ADAMTS20: variants seen among roughly 807,000 people sequenced by gnomAD.
ADAMTS20 encodes the protein ADAM metallopeptidase with thrombospondin type 1 motif 20.
Under a neutral mutation model 260.1 loss-of-function variants are expected in ADAMTS20, and 225 were observed. The observed-to-expected ratio is 0.87, with a 90% CI of 0.78 to 0.97. The LOEUF (loss-of-function observed/expected upper bound fraction) is 0.97. ADAMTS20 is among the 50% of genes least tolerant of loss of function. The pLI, the probability that ADAMTS20 is intolerant of heterozygous loss-of-function variation, is 0.00. For synonymous variants in ADAMTS20, 802 were observed against 769.5 expected (o/e 1.04, Z -0.70); for missense variants, 2,400 against 2,337.7 (o/e 1.03, Z -0.55).
At chr12:43,442,942 T>G (rs1941695015) in intron 16 of ADAMTS20, among the ~76,000 whole-genome samples, 1 of 152,356 alleles carries the variant, frequency 6.6e-6, no homozygotes, top group Non-Finnish European at 1.5e-5. Context: ...TTGTACTCAT[T>G]AAGCAGTTGT....
intron 28 of ADAMTS20, among the ~76,000 whole-genome samples, chr12:43,424,852 T>C (rs551541107): frequency 1.2e-4 from 18 of 151,980 alleles, no homozygotes; most frequent in African/African-American, 4.1e-4. Context: ...ATTATATATG[T>C]TACACTACTT....
intron 2 of ADAMTS20, among the ~76,000 whole-genome samples, chr12:43,532,781 A>T (rs1943243778): frequency 1.7e-5 from 1 of 59,836 alleles, no homozygotes; most frequent in Non-Finnish European, 3.3e-5. Context: ...TTCAATTCCC[A>T]CCTATGAGTG....
At position 43,377,478 on chromosome 12, in the gene ADAMTS20, G is replaced by A. The variant is rs576472142; in HGVS notation, c.4882C>T (p.Arg1628Ter). 3.0e-5 allele frequency: 49 copies of A among 1,613,690 alleles called. No individual in the cohort carries two copies. The South Asian group carries it at 3.3e-4, about 11-fold the overall frequency. Reference protein sequence around the residue: ...IPSTKKHKLHRLRPIVYQECP... With the variant: ...IPSTKKHKLH ...TCTTGATAAACTATAGGCCGAAGTC[G>A]ATGGAGCTTATGTTTCTTAGTAGAT... is the stretch of plus-strand genomic sequence containing the variant. Residue 1628 changes from arginine to a stop codon, truncating the protein, a stop_gained, in exon 32 of 39, where the codon CGA becomes TGA. Coordinates refer to ENST00000389420, the MANE Select transcript of ADAMTS20 (RefSeq NM_025003.5). LOFTEE classifies it high-confidence loss of function.
chr12:43,450,152 C>T (rs980614375), intron 14 of ADAMTS20, among the ~76,000 whole-genome samples: 1 of 151,966 alleles, frequency 6.6e-6, no homozygotes, highest in Non-Finnish European at 1.5e-5. Context: ...AAACTAATAC[C>T]CAGCATAACA....
intron 7 of ADAMTS20, among the ~76,000 whole-genome samples, chr12:43,488,758 T>C (rs1478678323): frequency 2.0e-5 from 3 of 152,180 alleles, no homozygotes; most frequent in African/African-American, 7.2e-5. Context: ...TTTACAATAC[T>C]TAAATATACT....
chr12:43,375,471 C>G lies in ADAMTS20; in HGVS notation c.5354G>C (p.Arg1785Thr), dbSNP rs766858848. 1 of 1,613,288 alleles carries G rather than the reference C, an allele frequency of 6.2e-7. No homozygotes were observed. Among genetic ancestry groups the G allele is most frequent in the Non-Finnish European group, 8.5e-7 (1 of 1,179,460 alleles). ...PYQCPFNGSR[R>T]EDCECDNGHL... ...TCCATTGTCACATTCACAGTCTTCC[C>G]TTCTACTCCCATTAAAAGGACATTG... The change falls in exon 36 of 39, where the codon AGG becomes ACG. Residue 1785 changes from arginine (R) to threonine (T), a missense_variant. By Grantham distance (71) the Arg-to-Thr change is moderately conservative. Transcript: ENST00000389420.
intron 28 of ADAMTS20, among the ~76,000 whole-genome samples, chr12:43,406,499 A>G (rs1000938406): frequency 6.6e-6 from 1 of 152,138 alleles, no homozygotes; most frequent in East Asian, 1.9e-4. Context: ...ATATTAAATC[A>G]GGAAATGACA....
chr12:43,543,147 A>T (rs1342437493), intron 2 of ADAMTS20, among the ~76,000 whole-genome samples: 1 of 151,930 alleles, frequency 6.6e-6, no homozygotes, highest in South Asian at 2.1e-4. Context: ...TGAAAATTTT[A>T]AAAAAGAAAA....
chr12:43,364,100 A>T (rs533850168), intron 37 of ADAMTS20, among the ~76,000 whole-genome samples: 1 of 152,320 alleles, frequency 6.6e-6, no homozygotes, highest in Non-Finnish European at 1.5e-5. Flanking sequence ...GTCACTGTGC[A>T]TGCCCAAGAC....
chr12:43,551,346 G>T lies in ADAMTS20; in HGVS notation c.92-76C>A. The T allele has an allele frequency of 1.3e-6, 2 of 1,529,172 alleles. No individual in the cohort carries two copies. The highest frequency in any genetic ancestry group is 1.7e-4 in the Middle Eastern group (1 of 5,716). The allele number at this position is 1,529,172 out of a possible 1,614,324, so 94.7% of individuals were successfully genotyped here. A position where few individuals can be genotyped will look rare whatever the true frequency, so the allele number is the denominator to read the frequency against. ...CAACTCTAAACTTCTTCCACCAAAC[G>T]TCCCCGCTAAAGGTCCCAGGTCCCA... On this transcript the variant is annotated intron_variant, in intron 1 of 38. Transcript: ENST00000389420. This position sits in a 1 kb window ranked among gnomAD's most constrained non-coding sequence, Gnocchi z 4.6.
rs1039705274 is a variant in ADAMTS20, at chr12:43,354,242, G to A, written c.5700C>T (p.His1900=). Residue 1900 remains histidine, a synonymous_variant, in exon 39 of 39, where the codon CAC becomes CAT. Coordinates refer to ENST00000389420, the MANE Select transcript of ADAMTS20 (RefSeq NM_025003.5). ...CTTGAATTGGGAGACCAGTAGTCAT[G>A]TGAGGAAGACACTTTCCACAGTACC... ...CGGYCGKCLP[H]MTTGLPIQVI 2.0e-5 allele frequency: 32 copies of A among 1,594,458 alleles called. No homozygotes were observed. The highest frequency in any genetic ancestry group is 2.5e-5 in the Non-Finnish European group (29 of 1,169,176).
intron 7 of ADAMTS20, among the ~76,000 whole-genome samples, chr12:43,472,197 C>T (rs1298321631): frequency 2.3e-4 from 34 of 148,146 alleles, no homozygotes; most frequent in African/African-American, 8.2e-4. Context: ...ATGCAGAAGC[C>T]TCAGGAGCCG....
At chr12:43,538,764 T>G (rs2137516837) in intron 2 of ADAMTS20, among the ~76,000 whole-genome samples, 1 of 152,216 alleles carries the variant, frequency 6.6e-6, no homozygotes, top group South Asian at 2.1e-4. Flanking sequence ...TACATTGAAA[T>G]CTCCTTAAAG....
At chr12:43,538,296 G>A (rs1943325419) in intron 2 of ADAMTS20, among the ~76,000 whole-genome samples, 2 of 152,132 alleles carry the variant, frequency 1.3e-5, no homozygotes, top group South Asian at 4.1e-4. Flanking sequence ...TCACATGCCT[G>A]TTTGCCATTT....
At chr12:43,485,448 C>A (rs560820103) in intron 7 of ADAMTS20, among the ~76,000 whole-genome samples, 25 of 152,182 alleles carry the variant, frequency 1.6e-4, no homozygotes, top group Non-Finnish European at 3.5e-4. Flanking sequence ...ATATGACAAA[C>A]CCACAGCCAC....
intron 33 of ADAMTS20, 31 bp from the exon 34 acceptor site, chr12:43,376,361 A>G: frequency 6.7e-7 from 1 of 1,498,268 alleles, no homozygotes; most frequent in Non-Finnish European, 9.0e-7. Context: ...AACTTAACAC[A>G]GAGCAAATTA....
At chr12:43,363,099 G>A (rs1175098508) in intron 37 of ADAMTS20, among the ~76,000 whole-genome samples, 3 of 151,932 alleles carry the variant, frequency 2.0e-5, no homozygotes, top group Non-Finnish European at 1.5e-5. Context: ...TCTGAACCAT[G>A]ACTCACCCTC....
intron 7 of ADAMTS20, among the ~76,000 whole-genome samples, chr12:43,475,395 C>T (rs1453301518): frequency 1.1e-4 from 15 of 140,866 alleles, no homozygotes; most frequent in Admixed American, 8.9e-4. Context: ...GAGTCAATAT[C>T]GTGAAAATGG....
At chr12:43,440,517 A>T (rs1477705906) in intron 16 of ADAMTS20, among the ~76,000 whole-genome samples, 1 of 152,236 alleles carries the variant, frequency 6.6e-6, no homozygotes, top group Non-Finnish European at 1.5e-5. Flanking sequence ...ATGTTGAGGA[A>T]ATAAACTTTA....
Sources: allele counts gnomAD v4.1 joint callset (sites outside exome capture counted in the v4.1 genomes callset), GRCh38; gene constraint gnomAD v4.1.1; non-coding constraint Gnocchi (gnomAD v3.1); transcripts MANE v1.5; gene names NCBI Gene and HGNC (gene_info 2026-07-23, HGNC 2026-07-21).